WWC2: variants seen among roughly 807,000 people sequenced by gnomAD.
WWC2 encodes protein WWC2.
WWC2 carries 101 observed loss-of-function variants against 138.5 expected under a neutral mutation model. That is an observed-to-expected ratio of 0.73 (90% confidence interval 0.62 to 0.86). The LOEUF (loss-of-function observed/expected upper bound fraction) is 0.86. Ranked by LOEUF, WWC2 falls within the 40% of genes least tolerant of loss-of-function variation. The pLI, the probability that WWC2 is intolerant of heterozygous loss-of-function variation, is 0.00. For synonymous variants in WWC2, 558 were observed against 538.4 expected, an observed-to-expected ratio of 1.04 and a Z score of -0.50; for missense variants, 1,420 against 1,419.4, an observed-to-expected ratio of 1.00 and a Z score of -0.01.
chr4:183,237,712 T>C (rs1736469990), intron 4 of WWC2, among the ~76,000 whole-genome samples: 1 of 152,210 alleles, frequency 6.6e-6, no homozygotes, highest in Non-Finnish European at 1.5e-5. Context: ...CAGGTTAAAC[T>C]CAACGGATAT....
At chr4:183,225,559 A>G (rs973086715) in intron 4 of WWC2, among the ~76,000 whole-genome samples, 1 of 152,260 alleles carries the variant, frequency 6.6e-6, no homozygotes, top group African/African-American at 2.4e-5. Flanking sequence ...CAAAACATTT[A>G]AAGAAAAGAT....
chr4:183,286,148 A>G (rs1424792563), intron 20 of WWC2, 89 bp downstream of exon 20: 1 of 1,236,032 alleles, frequency 8.1e-7, no homozygotes, highest in Admixed American at 2.0e-5. Context: ...TACAGAATGA[A>G]TGTCAGTGCT....
chr4:183,218,757 G>A (rs1360331368), intron 4 of WWC2, among the ~76,000 whole-genome samples: 1 of 152,200 alleles, frequency 6.6e-6, no homozygotes, highest in Non-Finnish European at 1.5e-5. Context: ...GCAGTCTGTT[G>A]AATTCCTACT....
At chr4:183,109,605 A>G (rs1040979313) in intron 1 of WWC2, among the ~76,000 whole-genome samples, 2 of 152,182 alleles carry the variant, frequency 1.3e-5, no homozygotes, top group African/African-American at 2.4e-5. Flanking sequence ...TCGCTCTCCT[A>G]TGAGAATCTA....
In WWC2 at chr4:183,309,727, G is replaced by T. The variant is rs145209038; in HGVS notation, c.3385-2614G>T. Among the ~76,000 whole-genome samples the T allele has an allele frequency of 4.6e-5, 7 of 152,360 alleles. No homozygotes were observed. In the East Asian group the frequency reaches 1.3e-3, roughly 29 times the overall value. ...ATTCAGCAGTTGTGCTCCTTGGTAT[G>T]AGTTGAAAATTTACGTACACATGAA... is the stretch of plus-strand genomic sequence containing the variant. On this transcript the variant is annotated intron_variant, in intron 21 of 22. Coordinates refer to ENST00000403733, the MANE Select transcript of WWC2 (RefSeq NM_024949.6).
intron 4 of WWC2, among the ~76,000 whole-genome samples, chr4:183,227,865 AGTT>A (rs1341596666): frequency 6.6e-6 from 1 of 152,048 alleles, no homozygotes; most frequent in African/African-American, 2.4e-5. Context: ...GTATGGCATC[AGTT>A]GTTCACTATA....
chr4:183,172,520 G>A (rs1434218645), intron 1 of WWC2, among the ~76,000 whole-genome samples: 1 of 144,434 alleles, frequency 6.9e-6, no homozygotes, highest in Non-Finnish European at 1.5e-5. Context: ...ATATTCCAGT[G>A]TTGTGTTTGA....
At position 183,279,414 on chromosome 4, in the gene WWC2, C is replaced by G. The variant is rs201875469; in HGVS notation, c.2563-1362C>G. On this transcript the variant is annotated intron_variant, in intron 16 of 22. Transcript: ENST00000403733. ...TGAGGATTTTTGGATCAATGTTCAT[C>G]AAGGATATTGGTCTAAAATTCTCTT... is the stretch of plus-strand genomic sequence containing the variant. Among the ~76,000 whole-genome samples the G allele has an allele frequency of 3.6e-3, 546 of 152,190 alleles. 3 individuals are homozygous for G. Among genetic ancestry groups the G allele is most frequent in the Non-Finnish European group, 6.0e-3 (411 of 68,024 alleles).
At chr4:183,259,808 AT>A in intron 10 of WWC2, 80 bp downstream of exon 10, 4 of 964,928 alleles carry the variant, frequency 4.1e-6, no homozygotes, top group Non-Finnish European at 6.3e-6. Context: ...TTTTCACTTT[AT>A]TTCCAACTAC....
chr4:183,138,101 G>A (rs1325553413), intron 1 of WWC2, among the ~76,000 whole-genome samples: 6 of 152,080 alleles, frequency 3.9e-5, no homozygotes, highest in Non-Finnish European at 8.8e-5. Context: ...TCTTTGCTTC[G>A]TTTTAGCCAC....
At chr4:183,168,702 T>C (rs1440071499) in intron 1 of WWC2, among the ~76,000 whole-genome samples, 1 of 152,096 alleles carries the variant, frequency 6.6e-6, no homozygotes, top group South Asian at 2.1e-4. Context: ...CTGGCTGTGG[T>C]GGAAATTGTT....
At chr4:183,259,146 C>A (rs1737242637) in intron 9 of WWC2, among the ~76,000 whole-genome samples, 1 of 152,092 alleles carries the variant, frequency 6.6e-6, no homozygotes, top group Non-Finnish European at 1.5e-5. Context: ...TTCTTAATTG[C>A]TAATTCTTAT....
At chr4:183,191,127 CAA>C (rs1560834805) in intron 1 of WWC2, among the ~76,000 whole-genome samples, 1 of 151,838 alleles carries the variant, frequency 6.6e-6, no homozygotes, top group African/African-American at 2.4e-5. Context: ...TTGAGGTAGT[CAA>C]AGAGACCATG....
chr4:183,248,011 C>G (rs1005577814), intron 6 of WWC2, among the ~76,000 whole-genome samples: 5 of 151,676 alleles, frequency 3.3e-5, no homozygotes, highest in Non-Finnish European at 7.4e-5. Context: ...TTAGTCTTTC[C>G]TTTTCAATAC....
rs573970819 is a variant in WWC2, at chr4:183,282,998, C to G, written c.2883+92C>G. On this transcript the variant is annotated intron_variant, in intron 18 of 22. Coordinates refer to ENST00000403733, the MANE Select transcript of WWC2 (RefSeq NM_024949.6). The stretch of plus-strand genomic sequence containing the variant: ...TTGTTTGTCTCCTTAGGTGTAAATT[C>G]CATGTCAGGATTTTGTGCCAAAAGC... 38 of 1,317,018 alleles carry G rather than the reference C, an allele frequency of 2.9e-5. 2 individuals are homozygous for G. In the South Asian group the frequency reaches 6.2e-4, roughly 21 times the overall value. 81.6% of individuals were successfully genotyped at this position (1,317,018 alleles called of 1,614,324 possible). A position where few individuals can be genotyped will look rare whatever the true frequency, so the allele number is the denominator to read the frequency against.
chr4:183,134,921 A>G (rs181888367), intron 1 of WWC2, among the ~76,000 whole-genome samples: 33 of 151,558 alleles, frequency 2.2e-4, no homozygotes, highest in Non-Finnish European at 4.3e-4. Context: ...ATCTAGTCCG[A>G]TATGATCTTT....
chr4:183,266,538 A>T (rs6810968), intron 14 of WWC2, among the ~76,000 whole-genome samples: 47,272 of 152,082 alleles, frequency 0.31, 7,826 homozygotes, highest in South Asian at 0.45. Context: ...AAGCCTAAAG[A>T]TCTCATGACA....
At chr4:183,229,848 CAG>C (rs892777339) in intron 4 of WWC2, among the ~76,000 whole-genome samples, 4 of 152,022 alleles carry the variant, frequency 2.6e-5, no homozygotes, top group Non-Finnish European at 4.4e-5. Flanking sequence ...TGTTTTGAGA[CAG>C]AGTCTCGCTC....
At chr4:183,120,248 T>A (rs1056804590) in intron 1 of WWC2, among the ~76,000 whole-genome samples, 65 of 152,178 alleles carry the variant, frequency 4.3e-4, no homozygotes, top group African/African-American at 1.5e-3. Context: ...GTATATAAAT[T>A]TTATTGAAAA....
Sources: allele counts gnomAD v4.1 joint callset (sites outside exome capture counted in the v4.1 genomes callset), GRCh38; gene constraint gnomAD v4.1.1; transcripts MANE v1.5; gene names NCBI Gene and HGNC (gene_info 2026-07-23, HGNC 2026-07-21).